The following ADAMTS12 variants were observed in gnomAD, a reference collection of about 807,000 sequenced individuals.
ADAMTS12 encodes the protein ADAM metallopeptidase with thrombospondin type 1 motif 12.
ADAMTS12 carries 118 observed loss-of-function variants against 167.8 expected under a neutral mutation model. That is an observed-to-expected ratio of 0.70 (90% CI 0.61 to 0.82). The LOEUF (loss-of-function observed/expected upper bound fraction) is 0.82. Ranked by LOEUF, ADAMTS12 falls within the 40% of genes least tolerant of loss-of-function variation. The pLI is 0.00. For missense variants in ADAMTS12, 1,916 were observed against 1,998.8 expected (o/e 0.96, Z 0.79); for synonymous variants, 704 against 716.9 (o/e 0.98, Z 0.29).
chr5:33,634,745 T>C (rs139655447), intron 12 of ADAMTS12, among the ~76,000 whole-genome samples: 4 of 152,218 alleles, frequency 2.6e-5, no homozygotes, highest in Admixed American at 2.0e-4. Context: ...TAAGAAGGCA[T>C]TAAAATGAAT....
chr5:33,727,133 C>A (rs1265468143), intron 3 of ADAMTS12, among the ~76,000 whole-genome samples: 4 of 152,114 alleles, frequency 2.6e-5, no homozygotes, highest in Middle Eastern at 3.2e-3. Context: ...CTGGACACTG[C>A]AGAGACAGGA....
chr5:33,573,539 C>T lies in ADAMTS12; in HGVS notation c.3972+2515G>A, dbSNP rs1243527765. On this transcript the variant is annotated intron_variant, in intron 19 of 23. Coordinates refer to ENST00000504830, the MANE Select transcript of ADAMTS12 (RefSeq NM_030955.4). ...AAATGGTGCTGGGAAAACTGGCTAG[C>T]CATATGTAGAAAGCTGAAACTCGAT... is the stretch of plus-strand genomic sequence containing the variant. Among the ~76,000 whole-genome samples, 3 of 152,106 alleles carry T rather than the reference C, an allele frequency of 2.0e-5. No homozygotes were observed. The East Asian group carries it at 5.8e-4, about 29-fold the overall frequency.
At chr5:33,639,313 T>C (rs899493046) in intron 11 of ADAMTS12, among the ~76,000 whole-genome samples, 4 of 152,172 alleles carry the variant, frequency 2.6e-5, no homozygotes, top group African/African-American at 9.7e-5. Flanking sequence ...CAACCCATGC[T>C]CTATGCTTCC....
At chr5:33,697,822 CA>C (rs1303748065) in intron 3 of ADAMTS12, among the ~76,000 whole-genome samples, 4 of 152,234 alleles carry the variant, frequency 2.6e-5, no homozygotes, top group Non-Finnish European at 5.9e-5. Context: ...GGAAAGGGTA[CA>C]GGGGCAGGAC....
At chr5:33,862,635 A>G (rs2111698978) in intron 2 of ADAMTS12, among the ~76,000 whole-genome samples, 1 of 152,152 alleles carries the variant, frequency 6.6e-6, no homozygotes, top group African/African-American at 2.4e-5. Context: ...CTGGTAGCAC[A>G]TTTTCTGAAA....
chr5:33,778,674 T>C (rs1375863739), intron 2 of ADAMTS12, among the ~76,000 whole-genome samples: 2 of 152,096 alleles, frequency 1.3e-5, no homozygotes, highest in Non-Finnish European at 2.9e-5. Context: ...AGAAATTGGA[T>C]TGCATCAAGC....
chr5:33,762,336 G>A (rs931982997), intron 2 of ADAMTS12, among the ~76,000 whole-genome samples: 3 of 151,700 alleles, frequency 2.0e-5, no homozygotes, highest in Non-Finnish European at 4.4e-5. Context: ...GTGAAACCCT[G>A]TCTCTACTAA....
intron 1 of ADAMTS12, among the ~76,000 whole-genome samples, chr5:33,883,981 T>C (rs576113479): frequency 6.6e-6 from 1 of 152,218 alleles, no homozygotes; most frequent in Non-Finnish European, 1.5e-5. Flanking sequence ...TCTCCTCTGC[T>C]ACTCACAGTG....
intron 2 of ADAMTS12, among the ~76,000 whole-genome samples, chr5:33,816,810 T>C (rs1747671862): frequency 1.3e-5 from 2 of 152,172 alleles, no homozygotes; most frequent in Admixed American, 1.3e-4. Flanking sequence ...GTGAGTAGGA[T>C]TGTTCTGAAT....
At chr5:33,838,099 TC>T (rs1412453625) in intron 2 of ADAMTS12, among the ~76,000 whole-genome samples, 1 of 152,130 alleles carries the variant, frequency 6.6e-6, no homozygotes, top group African/African-American at 2.4e-5. Flanking sequence ...ATAGAGAAGC[TC>T]CCCTGTGCCT....
chr5:33,613,590 G>C (rs1230448843), intron 16 of ADAMTS12, among the ~76,000 whole-genome samples: 1 of 152,186 alleles, frequency 6.6e-6, no homozygotes, highest in Non-Finnish European at 1.5e-5. Context: ...TGTTTTGTAT[G>C]TCTTATGTAG....
At chr5:33,739,136 C>T (rs1375727129) in intron 3 of ADAMTS12, among the ~76,000 whole-genome samples, 2 of 152,178 alleles carry the variant, frequency 1.3e-5, no homozygotes, top group African/African-American at 4.8e-5. Context: ...GGTAGAACTT[C>T]CATAAATCCC....
At chr5:33,634,770 C>T (rs1021783550) in intron 12 of ADAMTS12, among the ~76,000 whole-genome samples, 3 of 151,906 alleles carry the variant, frequency 2.0e-5, no homozygotes, top group Non-Finnish European at 4.4e-5. Context: ...TCTATAGTAA[C>T]CACAGAAAGG....
chr5:33,847,973 G>T (rs931079398), intron 2 of ADAMTS12, among the ~76,000 whole-genome samples: 2 of 152,186 alleles, frequency 1.3e-5, no homozygotes, highest in African/African-American at 4.8e-5. Context: ...CCAGCACTTA[G>T]GGAGGCCAAG....
chr5:33,774,740 C>T (rs1457872377), intron 2 of ADAMTS12, among the ~76,000 whole-genome samples: 2 of 152,170 alleles, frequency 1.3e-5, no homozygotes. Context: ...CATTTTGTAT[C>T]TGTCTTGGCA....
intron 3 of ADAMTS12, among the ~76,000 whole-genome samples, chr5:33,737,127 T>A (rs1422776515): frequency 2.0e-5 from 3 of 152,192 alleles, no homozygotes; most frequent in Non-Finnish European, 4.4e-5. Context: ...TTTGCTCTGG[T>A]CAGAATCTAA....
chr5:33,548,381 AT>A (rs1745085601), intron 21 of ADAMTS12, among the ~76,000 whole-genome samples: 2 of 152,188 alleles, frequency 1.3e-5, no homozygotes, highest in Admixed American at 6.5e-5. Context: ...CTAAGTCTCA[AT>A]TTCTTCCCCT....
intron 16 of ADAMTS12, among the ~76,000 whole-genome samples, chr5:33,613,306 T>C (rs149974890): frequency 1.3e-5 from 2 of 152,222 alleles, no homozygotes; most frequent in Non-Finnish European, 2.9e-5. Flanking sequence ...ATGAGTGATA[T>C]AGCCCCAAGT....
chr5:33,656,275 A>G (rs377552640), intron 7 of ADAMTS12, among the ~76,000 whole-genome samples: 1 of 152,264 alleles, frequency 6.6e-6, no homozygotes, highest in African/African-American at 2.4e-5. Flanking sequence ...ATCTACCACT[A>G]TTTGTTTTTA....
Sources: gnomAD v4.1 joint callset for allele counts (sites outside exome capture counted in the v4.1 genomes callset) on GRCh38, gnomAD v4.1.1 for gene constraint, MANE v1.5 for transcripts, NCBI Gene and HGNC (gene_info 2026-07-23, HGNC 2026-07-21) for gene names.